POMT2: variants seen among roughly 807,000 people sequenced by gnomAD.
POMT2 encodes the protein protein O-mannosyltransferase 2.
A neutral mutation model predicts 100.0 loss-of-function variants in POMT2; 75 were observed. The ratio of observed to expected loss-of-function variants is 0.75; its 90% CI spans 0.62 to 0.91. The LOEUF is 0.91. Among genes scored for constraint, POMT2 ranks in the 40% least tolerant of loss-of-function variants. The pLI is 0.00. For synonymous variants in POMT2, 378 were observed against 374.1 expected (o/e 1.01, Z -0.12); for missense variants, 940 against 955.1 (o/e 0.98, Z 0.21).
chr14:77,296,482 G>A, intron 8 of POMT2: 2 of 584,928 alleles, frequency 3.4e-6, no homozygotes, highest in Non-Finnish European at 6.1e-6. Context: ...CGCCTCCTGA[G>A]GGCTTCAGAA....
rs1458975379 is a variant in POMT2 at position 77,288,834 on chromosome 14, G to C, written c.1184-3C>G. ...TGGGAAGGAAGGGTCTAGGGGATCTGCCAAAAAGAAACAAGCATTGATATC... is the reference window on the plus strand; with the variant it reads ...TGGGAAGGAAGGGTCTAGGGGATCTCCCAAAAAGAAACAAGCATTGATATC... On this transcript the variant is annotated splice_region_variant and splice_polypyrimidine_tract_variant and intron_variant, in intron 10 of 20. Transcript: ENST00000261534. 1 of 1,613,310 alleles carries C rather than the reference G, an allele frequency of 6.2e-7. No individual in the cohort carries two copies. Among genetic ancestry groups the C allele is most frequent in the Admixed American group, 1.7e-5 (1 of 59,976 alleles).
rs748185057 is a variant in POMT2, at chr14:77,277,441, G to A, written c.2188C>T (p.Pro730Ser). The change falls in exon 21 of 21, where the codon CCC (proline) becomes TCC (serine). Residue 730 changes from proline to serine, a missense_variant. Pro to Ser is a moderately conservative substitution (Grantham distance 74, BLOSUM62 -1). Transcript: ENST00000261534. ...GGACTTTGGGGGTCCTGGGCCAGGG[G>A]ACCAACCATCCCGTAAGCCAGAGGG... ...FHPLAYGMVG[P>S]LAQDPQSPMA... 1 of 1,614,086 alleles carries A rather than the reference G, an allele frequency of 6.2e-7. No individual in the cohort carries two copies. The highest frequency in any genetic ancestry group is 1.1e-5 in the South Asian group (1 of 91,076).
intron 9 of POMT2, among the ~76,000 whole-genome samples, chr14:77,291,714 C>T (rs894605066): frequency 6.6e-6 from 1 of 152,180 alleles, no homozygotes; most frequent in Non-Finnish European, 1.5e-5. Flanking sequence ...AACACAAAAA[C>T]AGAATGAGGA....
chr14:77,280,070 A>G lies in POMT2; in HGVS notation c.1736T>C (p.Phe579Ser). The change falls in exon 17 of 21, where the codon TTC (phenylalanine) becomes TCC (serine). Residue 579 changes from phenylalanine (F) to serine (S), a missense_variant. Physicochemically the swap from Phe to Ser is radical, Grantham distance 155. Transcript: ENST00000261534. ...HWPINYQGLRFSGVNDTDFRV... is the reference protein window; with the variant it reads ...HWPINYQGLRSSGVNDTDFRV... Reference sequence around the variant, plus strand: ...GAAATCTGTGTCATTGACCCCTGAGAAGCGTAGGCCCTGTGGAATAGAGAC... The same window carrying G: ...GAAATCTGTGTCATTGACCCCTGAGGAGCGTAGGCCCTGTGGAATAGAGAC... The G allele has an allele frequency of 6.2e-7, 1 of 1,613,794 alleles. No individual in the cohort carries two copies. Among genetic ancestry groups the G allele is most frequent in the South Asian group, 1.1e-5 (1 of 91,064 alleles).
In POMT2 at chr14:77,275,409, G is replaced by A. The variant is rs11547794; in HGVS notation, c.*1967C>T. 0.41 allele frequency: 62,839 copies of A among 151,744 alleles called. 14,685 individuals are homozygous for A. The highest frequency in any genetic ancestry group is 0.53 in the Non-Finnish European group (35,891 of 67,790). The allele number at this position is 151,744 out of a possible 1,614,324, so 9.4% of individuals were successfully genotyped here. On this transcript the variant is annotated 3_prime_UTR_variant, in exon 21 of 21. Transcript: ENST00000261534. ...TCCTTCCTCACCCTCATGCAAGGTG[G>A]CTGCCCCTCTGGCTCCTTCAGAGCT... is the stretch of plus-strand genomic sequence containing the variant.
rs139308429 is a variant in POMT2 at position 77,278,458 on chromosome 14, A to G, written c.2083T>C (p.Trp695Arg). Residue 695 changes from tryptophan to arginine, a missense_variant, in exon 20 of 21, where the codon TGG (tryptophan) becomes CGG (arginine). Physicochemically the swap from Trp to Arg is moderately radical, Grantham distance 101. Coordinates refer to ENST00000261534, the MANE Select transcript of POMT2 (RefSeq NM_013382.7). ...ACATGTATGCCCCTCGCCAGGGGCC[A>G]TGAGGCCAAGCCCCAGGCACAGAGC... ...LRLCAWGLAS[W>R]PLARGIHVAG... The G allele has an allele frequency of 4.6e-6, 7 of 1,507,090 alleles. No individual in the cohort carries two copies. The highest frequency in any genetic ancestry group is 5.4e-6 in the Non-Finnish European group (6 of 1,106,694). 93.4% of individuals were successfully genotyped at this position (1,507,090 alleles called of 1,614,324 possible).
At chr14:77,277,608 G>A (rs1890020356) in intron 20 of POMT2, 127 bp from the exon 21 acceptor site, 4 of 790,886 alleles carry the variant, frequency 5.1e-6, no homozygotes, top group African/African-American at 1.7e-5. Context: ...CTCTTTCACG[G>A]CCTTGTCTGT....
intron 3 of POMT2, 117 bp from the exon 4 acceptor site, chr14:77,304,917 A>C: frequency 6.7e-7 from 1 of 1,493,556 alleles, no homozygotes; most frequent in East Asian, 2.6e-5. Flanking sequence ...GACTTTGGTG[A>C]CCTAAAGTCA....
intron 2 of POMT2, among the ~76,000 whole-genome samples, chr14:77,307,078 G>A (rs1292370767): frequency 6.6e-6 from 1 of 152,244 alleles, no homozygotes; most frequent in Non-Finnish European, 1.5e-5. Flanking sequence ...TGTGAGTCAT[G>A]AATCCTTCAA....
In POMT2 at chr14:77,276,490, C is replaced by A. The variant is rs1889959153; in HGVS notation, c.*886G>T. 6.6e-6 allele frequency: 1 copy of A among 152,530 alleles called. No individual in the cohort carries two copies. The highest frequency in any genetic ancestry group is 2.4e-5 in the African/African-American group (1 of 41,460). 9.4% of individuals were successfully genotyped at this position (152,530 alleles called of 1,614,324 possible). A position where few individuals can be genotyped will look rare whatever the true frequency, so the allele number is the denominator to read the frequency against. ...GCGCTAAGCAAGGTTCCCATGGGCT[C>A]TCCCAGCAGCCAGGAGAATGCATCT... On this transcript the variant is annotated 3_prime_UTR_variant, in exon 21 of 21. Coordinates refer to ENST00000261534, the MANE Select transcript of POMT2 (RefSeq NM_013382.7).
Position 77,298,769 on chromosome 14 carries a change from C to A in POMT2, c.926G>T (p.Gly309Val). The A allele has an allele frequency of 6.2e-7, 1 of 1,612,274 alleles. No individual in the cohort carries two copies. Among genetic ancestry groups the A allele is most frequent in the Non-Finnish European group, 8.5e-7 (1 of 1,179,132 alleles). ...AVHFMVLSKS[G>V]PGDGFFSSAF... is the part of the protein sequence containing the mutation. ...AGAACTGAAGAAACCGTCACCAGGG[C>A]CACTGTGGGGAGAGGAAGAGCAGAA... Residue 309 changes from glycine to valine, a missense_variant and splice_region_variant, in exon 8 of 21, where the codon GGC (glycine) becomes GTC (valine). Gly to Val is a moderately radical substitution (Grantham distance 109, BLOSUM62 -3). Coordinates refer to ENST00000261534, the MANE Select transcript of POMT2 (RefSeq NM_013382.7).
chr14:77,307,353 A>G (rs1891261265), intron 2 of POMT2, among the ~76,000 whole-genome samples: 1 of 152,144 alleles, frequency 6.6e-6, no homozygotes, highest in African/African-American at 2.4e-5. Context: ...TAACCAACCC[A>G]CTTTTTTCTC....
intron 6 of POMT2, chr14:77,299,959 A>T (rs1890961345): frequency 3.5e-6 from 1 of 286,302 alleles, no homozygotes; most frequent in South Asian, 3.6e-5. Flanking sequence ...TCCTTATCTT[A>T]ACTTCGCGGC....
intron 15 of POMT2, among the ~76,000 whole-genome samples, chr14:77,281,652 C>T (rs371780068): frequency 5.3e-5 from 8 of 152,206 alleles, no homozygotes; most frequent in African/African-American, 1.4e-4. Flanking sequence ...TGACTTAGGC[C>T]GGAGCTTCTC....
chr14:77,320,392 C>A, intron 1 of POMT2, 42 bp downstream of exon 1: 1 of 1,543,582 alleles, frequency 6.5e-7, no homozygotes, highest in Non-Finnish European at 8.7e-7. Flanking sequence ...GGCGTCCCGT[C>A]GCGGTTGCCA....
chr14:77,296,356 A>G, intron 8 of POMT2, 83 bp from the exon 9 acceptor site: 2 of 933,628 alleles, frequency 2.1e-6, no homozygotes, highest in Non-Finnish European at 3.4e-6. Flanking sequence ...CGGAAGCCAC[A>G]GGGCTCACTA....
chr14:77,277,087 C>G lies in POMT2; in HGVS notation c.*289G>C. On this transcript the variant is annotated 3_prime_UTR_variant, in exon 21 of 21. Coordinates refer to ENST00000261534, the MANE Select transcript of POMT2 (RefSeq NM_013382.7). Reference sequence around the variant, plus strand: ...CAACATGCCCTCACATACACACACGCGCACCCACTCCCACCCTCTGGCACC... The same window carrying G: ...CAACATGCCCTCACATACACACACGGGCACCCACTCCCACCCTCTGGCACC... The G allele has an allele frequency of 2.1e-6, 1 of 481,676 alleles. No individual in the cohort carries two copies. 29.8% of individuals were successfully genotyped at this position (481,676 alleles called of 1,614,324 possible).
chr14:77,298,811 G>T, intron 7 of POMT2, 40 bp from the exon 8 acceptor site: 1 of 1,573,292 alleles, frequency 6.4e-7, no homozygotes, highest in Non-Finnish European at 8.7e-7. Context: ...CAAGTTAAAG[G>T]AGTGAAAGTG....
intron 2 of POMT2, among the ~76,000 whole-genome samples, chr14:77,307,105 G>A (rs780029013): frequency 1.3e-5 from 2 of 152,186 alleles, no homozygotes; most frequent in Non-Finnish European, 2.9e-5. Flanking sequence ...TGACAAGATC[G>A]GCCGTGTCTT....
Sources: gnomAD v4.1 joint callset for allele counts (sites outside exome capture counted in the v4.1 genomes callset) on GRCh38, gnomAD v4.1.1 for gene constraint, MANE v1.5 for transcripts, NCBI Gene and HGNC (gene_info 2026-07-23, HGNC 2026-07-21) for gene names.